The following ADAMTS18 variants were observed in gnomAD, a reference collection of about 807,000 sequenced individuals.
The protein encoded by ADAMTS18 is ADAM metallopeptidase with thrombospondin type 1 motif 18, also known as A disintegrin and metalloproteinase with thrombospondin motifs 18.
ADAMTS18 carries 157 observed loss-of-function variants against 165.9 expected under a neutral mutation model. The ratio of observed to expected loss-of-function variants is 0.95; its 90% confidence interval spans 0.83 to 1.08. The LOEUF is 1.08. Among genes scored for constraint, ADAMTS18 ranks in the 50% least tolerant of loss-of-function variants. The pLI is 0.00. For synonymous variants in ADAMTS18, 782 were observed against 578.2 expected (o/e 1.35, Z -5.06); for missense variants, 2,040 against 1,534.0 (o/e 1.33, Z -5.51).
At chr16:77,289,945 A>G (rs2055330627) in intron 21 of ADAMTS18, among the ~76,000 whole-genome samples, 2 of 152,218 alleles carry the variant, frequency 1.3e-5, no homozygotes, top group African/African-American at 4.8e-5. Flanking sequence ...AAAATTTTCA[A>G]AAGTAGACAA....
intron 3 of ADAMTS18, among the ~76,000 whole-genome samples, chr16:77,386,462 A>G (rs2057109025): frequency 6.6e-6 from 1 of 152,178 alleles, no homozygotes; most frequent in African/African-American, 2.4e-5. Flanking sequence ...TTGTCATTTC[A>G]TCCAATTTTT....
chr16:77,296,078 T>C (rs920395730), intron 18 of ADAMTS18, among the ~76,000 whole-genome samples: 18 of 152,134 alleles, frequency 1.2e-4, no homozygotes, highest in Admixed American at 8.5e-4. Context: ...TGTAATACGA[T>C]TGCATCACCA....
chr16:77,304,216 T>C (rs1482980491), intron 16 of ADAMTS18, among the ~76,000 whole-genome samples: 1 of 152,190 alleles, frequency 6.6e-6, no homozygotes, highest in East Asian at 1.9e-4. Flanking sequence ...CCAGGCACTT[T>C]GGGAAGCTGA....
At chr16:77,289,724 T>C (rs2055326512) in intron 21 of ADAMTS18, among the ~76,000 whole-genome samples, 1 of 152,076 alleles carries the variant, frequency 6.6e-6, no homozygotes, top group South Asian at 2.1e-4. Flanking sequence ...CAGAAACAAA[T>C]ACAGACACAC....
At position 77,367,638 on chromosome 16, in the gene ADAMTS18, G is replaced by A. The variant is rs1251634347; in HGVS notation, c.581C>T (p.Pro194Leu). ...CAGTACGTGAGGATGGTGACCCGCA[G>A]GGGAGCTGTAGTTGTGTTCCTGGGC... ...LLAQEHNYSS[P>L]AGHHPHVLYK... Residue 194 changes from proline to leucine, a missense_variant, in exon 4 of 23, where the codon CCT (proline) becomes CTT (leucine). Physicochemically the swap from Pro to Leu is moderately conservative, Grantham distance 98. Coordinates refer to ENST00000282849, the MANE Select transcript of ADAMTS18 (RefSeq NM_199355.4). The A allele has an allele frequency of 6.2e-7, 1 of 1,614,194 alleles. No homozygotes were observed. Among genetic ancestry groups the A allele is most frequent in the Non-Finnish European group, 8.5e-7 (1 of 1,180,030 alleles).
chr16:77,314,851 A>G lies in ADAMTS18; in HGVS notation c.2532+4998T>C, dbSNP rs74251607. The stretch of plus-strand genomic sequence containing the variant: ...TAGTAATTAACATTATGGGCTAAGT[A>G]TTTTGTAGGCACTGAACTTATCTTC... On this transcript the variant is annotated intron_variant, in intron 16 of 22. Coordinates refer to ENST00000282849, the MANE Select transcript of ADAMTS18 (RefSeq NM_199355.4). Among the ~76,000 whole-genome samples, 23 of 140,978 alleles carry G rather than the reference A, an allele frequency of 1.6e-4. No homozygotes were observed. In the East Asian group the frequency reaches 4.6e-3, roughly 28 times the overall value. 92.5% of individuals were successfully genotyped at this position (140,978 alleles called of 152,430 possible). A position where few individuals can be genotyped will look rare whatever the true frequency, so the allele number is the denominator to read the frequency against.
At chr16:77,410,210 T>C (rs2057443433) in intron 3 of ADAMTS18, among the ~76,000 whole-genome samples, 1 of 151,946 alleles carries the variant, frequency 6.6e-6, no homozygotes, top group East Asian at 1.9e-4. Context: ...TATGTTACTC[T>C]ATGATATTTT....
chr16:77,311,995 G>C (rs533777586), intron 16 of ADAMTS18, among the ~76,000 whole-genome samples: 134 of 152,246 alleles, frequency 8.8e-4, no homozygotes, highest in African/African-American at 3.0e-3. Context: ...TTATGTAGTA[G>C]TAAATAATTA....
chr16:77,430,972 A>G (rs1411068402), intron 3 of ADAMTS18, among the ~76,000 whole-genome samples: 2 of 152,222 alleles, frequency 1.3e-5, no homozygotes, highest in Non-Finnish European at 2.9e-5. Context: ...TTAGATTTAT[A>G]GAATGCCTGG....
intron 3 of ADAMTS18, among the ~76,000 whole-genome samples, chr16:77,415,107 A>C (rs1191836810): frequency 6.6e-6 from 1 of 152,226 alleles, no homozygotes; most frequent in Non-Finnish European, 1.5e-5. Context: ...ACAATGCTAG[A>C]TGCCATAATA....
At chr16:77,419,290 G>A (rs958987465) in intron 3 of ADAMTS18, among the ~76,000 whole-genome samples, 2 of 152,108 alleles carry the variant, frequency 1.3e-5, no homozygotes, top group Admixed American at 6.6e-5. Flanking sequence ...AGATTCCACT[G>A]CTAAGCTCAC....
At position 77,314,787 on chromosome 16, in the gene ADAMTS18, A is replaced by ATATATATATATAT. The variant is rs1567474883; in HGVS notation, c.2532+5061_2532+5062insATATATATATATA. 4.7e-3 allele frequency among the ~76,000 whole-genome samples: 233 copies of ATATATATATATAT among 49,312 alleles called. 49 individuals are homozygous for ATATATATATATAT. The highest frequency in any genetic ancestry group is 0.015 in the African/African-American group (189 of 12,824). 32.4% of individuals were successfully genotyped at this position (49,312 alleles called of 152,430 possible). A position where few individuals can be genotyped will look rare whatever the true frequency, so the allele number is the denominator to read the frequency against. ...ATATATATATATATATATATATATA[A>ATATATATATATAT]AATATATGTGATATGCTCAGAAGGC... On this transcript the variant is annotated intron_variant, in intron 16 of 22. Coordinates refer to ENST00000282849, the MANE Select transcript of ADAMTS18 (RefSeq NM_199355.4).
At chr16:77,342,216 G>C (rs1053299437) in intron 10 of ADAMTS18, among the ~76,000 whole-genome samples, 4 of 152,166 alleles carry the variant, frequency 2.6e-5, no homozygotes, top group African/African-American at 9.7e-5. Flanking sequence ...ATCCCTTTCA[G>C]TTGCAGTTTT....
chr16:77,408,500 G>A (rs2057420196), intron 3 of ADAMTS18, among the ~76,000 whole-genome samples: 1 of 152,144 alleles, frequency 6.6e-6, no homozygotes, highest in Non-Finnish European at 1.5e-5. Flanking sequence ...TTCATGAGGT[G>A]AGATACTTTG....
At chr16:77,388,786 A>G (rs1161145816) in intron 3 of ADAMTS18, among the ~76,000 whole-genome samples, 1 of 152,136 alleles carries the variant, frequency 6.6e-6, no homozygotes, top group East Asian at 1.9e-4. Context: ...GAAAGGAGAA[A>G]CCTTGTATAT....
At chr16:77,390,566 T>C (rs1378199525) in intron 3 of ADAMTS18, among the ~76,000 whole-genome samples, 2 of 152,060 alleles carry the variant, frequency 1.3e-5, no homozygotes, top group Non-Finnish European at 2.9e-5. Flanking sequence ...GGCGTGTGCC[T>C]GTAATCCCAG....
chr16:77,332,139 G>C (rs959340236), intron 12 of ADAMTS18, among the ~76,000 whole-genome samples: 7 of 152,256 alleles, frequency 4.6e-5, no homozygotes, highest in African/African-American at 1.7e-4. Flanking sequence ...TGTGGTCATA[G>C]ATCAGAAGTG....
At chr16:77,319,768 C>G (rs544590466) in intron 16 of ADAMTS18, 81 bp downstream of exon 16, 2 of 1,606,268 alleles carry the variant, frequency 1.2e-6, no homozygotes, top group South Asian at 2.2e-5. Flanking sequence ...ACTAGAAGGA[C>G]TGGAGTTCTG....
chr16:77,394,361 C>T (rs274545), intron 3 of ADAMTS18, among the ~76,000 whole-genome samples: 151,953 of 152,338 alleles, frequency 1, 75,786 homozygotes, highest in Middle Eastern at 1. Flanking sequence ...ATATCCTCTC[C>T]GAGCTTCAGG....
Sources: allele counts gnomAD v4.1 joint callset (sites outside exome capture counted in the v4.1 genomes callset), GRCh38; gene constraint gnomAD v4.1.1; transcripts MANE v1.5; gene names NCBI Gene and HGNC (gene_info 2026-07-23, HGNC 2026-07-21).